Variants in PLXNA4 observed in about 807,000 individuals in gnomAD.
The protein encoded by PLXNA4 is plexin-A4.
PLXNA4 carries 44 observed loss-of-function variants against 191.8 expected under a neutral mutation model. The observed-to-expected ratio is 0.23, with a 90% CI of 0.18 to 0.29. The LOEUF (loss-of-function observed/expected upper bound fraction) is 0.29, where lower values mean the gene tolerates loss of function less well. Ranked by LOEUF, PLXNA4 falls within the 10% of genes least tolerant of loss-of-function variation. The pLI, the probability that PLXNA4 is intolerant of heterozygous loss-of-function variation, is 1.00. For missense variants in PLXNA4, 1,800 were observed against 2,488.8 expected (o/e 0.72, Z 5.89); for synonymous variants, 1,082 against 1,009.5 (o/e 1.07, Z -1.36).
At chr7:132,267,588 A>T (rs1268804520) in intron 4 of PLXNA4, among the ~76,000 whole-genome samples, 1 of 152,214 alleles carries the variant, frequency 6.6e-6, no homozygotes, top group African/African-American at 2.4e-5. Flanking sequence ...ATCCTTGGAA[A>T]CATCATGCCA....
Position 132,286,954 on chromosome 7 carries a change from T to C in PLXNA4, c.1503+11137A>G, listed in dbSNP as rs558321899. ...GATAGATAGGGGAAGCACAGAATCC[T>C]GGGTAGCTGGTGCCTGGAGCTCAAC... On this transcript the variant is annotated intron_variant, in intron 4 of 31. Transcript: ENST00000321063. 2.1e-3 allele frequency among the ~76,000 whole-genome samples: 315 copies of C among 152,312 alleles called. 2 individuals carry two copies. The highest frequency in any genetic ancestry group is 7.3e-3 in the African/African-American group (302 of 41,562).
At chr7:132,595,953 A>C in intron 2 of PLXNA4, among the ~76,000 whole-genome samples, 1 of 152,178 alleles carries the variant, frequency 6.6e-6, no homozygotes, top group East Asian at 1.9e-4. Flanking sequence ...AATAAAATTA[A>C]TAATATTCCA....
intron 12 of PLXNA4, among the ~76,000 whole-genome samples, chr7:132,198,854 GCCCA>G (rs1797338914): frequency 6.6e-6 from 1 of 152,164 alleles, no homozygotes; most frequent in Non-Finnish European, 1.5e-5. Flanking sequence ...AGTATGCAAA[GCCCA>G]TGGTACATCT....
At chr7:132,324,623 C>A (rs1289149820) in intron 3 of PLXNA4, among the ~76,000 whole-genome samples, 1 of 152,172 alleles carries the variant, frequency 6.6e-6, no homozygotes, top group African/African-American at 2.4e-5. Context: ...CAGAATAAAT[C>A]TCCCTCTTCT....
chr7:132,127,990 G>GAAAA lies in PLXNA4; in HGVS notation c.*2488_*2489insTTTT, dbSNP rs1304265710. ...TTGTTTGATTTTTTCTCTTAACTGTGCAAAAAAAAAAAAAAAAAATCAAAA... is the reference window on the plus strand; with the variant it reads ...TTGTTTGATTTTTTCTCTTAACTGTGAAAACAAAAAAAAAAAAAAAAAATCAAAA... On this transcript the variant is annotated 3_prime_UTR_variant, in exon 32 of 32. Transcript: ENST00000321063. The GAAAA allele has an allele frequency of 3.6e-4, 6 of 16,544 alleles. No individual in the cohort carries two copies. The highest frequency in any genetic ancestry group is 1.1e-3 in the African/African-American group (6 of 5,526). The allele number at this position is 16,544 out of a possible 1,614,324, so 1.0% of individuals were successfully genotyped here. A position where few individuals can be genotyped will look rare whatever the true frequency, so the allele number is the denominator to read the frequency against.
chr7:132,353,868 A>T (rs1179551739), intron 3 of PLXNA4, among the ~76,000 whole-genome samples: 1 of 152,144 alleles, frequency 6.6e-6, no homozygotes, highest in South Asian at 2.1e-4. Context: ...AGGTCCTCAT[A>T]GCCTGGCAAT....
chr7:132,435,805 T>A (rs1795449724), intron 3 of PLXNA4, among the ~76,000 whole-genome samples: 1 of 152,092 alleles, frequency 6.6e-6, no homozygotes, highest in African/African-American at 2.4e-5. Context: ...GAGTACCCGC[T>A]TCCTCTCTTC....
chr7:132,243,020 C>T (rs147390161), intron 4 of PLXNA4, among the ~76,000 whole-genome samples: 49 of 152,280 alleles, frequency 3.2e-4, no homozygotes, highest in Middle Eastern at 3.4e-3. Flanking sequence ...GGTCCACACG[C>T]TATTTTCAAT....
intron 1 of PLXNA4, among the ~76,000 whole-genome samples, chr7:132,546,865 A>G (rs1800331411): frequency 6.6e-6 from 1 of 152,196 alleles, no homozygotes; most frequent in South Asian, 2.1e-4. Flanking sequence ...GAATCTGAGG[A>G]CAAACAAGGC....
At chr7:132,601,824 T>A (rs1360802218) in intron 2 of PLXNA4, among the ~76,000 whole-genome samples, 2 of 152,242 alleles carry the variant, frequency 1.3e-5, no homozygotes, top group African/African-American at 4.8e-5. Flanking sequence ...ATTGATTCAG[T>A]TGGTACTTGT....
At chr7:132,613,664 T>G (rs12707048) in intron 2 of PLXNA4, among the ~76,000 whole-genome samples, 1 of 152,004 alleles carries the variant, frequency 6.6e-6, no homozygotes, top group African/African-American at 2.4e-5. Flanking sequence ...CAAAGTAGCA[T>G]GTGTGATATT....
intron 3 of PLXNA4, among the ~76,000 whole-genome samples, chr7:132,436,737 G>A (rs1460430491): frequency 6.6e-6 from 1 of 152,206 alleles, no homozygotes; most frequent in African/African-American, 2.4e-5. Context: ...ATAGTGAAAA[G>A]GTCAGTGAGC....
At chr7:132,456,629 G>A (rs990345590) in intron 3 of PLXNA4, among the ~76,000 whole-genome samples, 3 of 151,382 alleles carry the variant, frequency 2.0e-5, no homozygotes, top group East Asian at 1.9e-4. Context: ...ACTCAGCTGC[G>A]AACCGGCAGC....
chr7:132,464,617 T>A (rs1227790849), intron 3 of PLXNA4, among the ~76,000 whole-genome samples: 1 of 152,208 alleles, frequency 6.6e-6, no homozygotes, highest in Non-Finnish European at 1.5e-5. Context: ...GTGAAAGGGC[T>A]TTGCAAAATG....
At chr7:132,457,986 A>C (rs1796369751) in intron 3 of PLXNA4, among the ~76,000 whole-genome samples, 1 of 152,206 alleles carries the variant, frequency 6.6e-6, no homozygotes, top group Admixed American at 6.5e-5. Flanking sequence ...CCAGAGCTGT[A>C]AGAGAATACA....
chr7:132,535,170 A>G (rs1210516309), intron 1 of PLXNA4, among the ~76,000 whole-genome samples: 1 of 152,246 alleles, frequency 6.6e-6, no homozygotes, highest in Non-Finnish European at 1.5e-5. Flanking sequence ...TCTCCAAATA[A>G]AAAAGAAATC....
chr7:132,555,431 A>T (rs773993808), intron 1 of PLXNA4, among the ~76,000 whole-genome samples: 1 of 152,218 alleles, frequency 6.6e-6, no homozygotes, highest in South Asian at 2.1e-4. Flanking sequence ...AAGAAAACTG[A>T]AGTGTTTTAA....
chr7:132,302,706 A>C (rs987670295), intron 3 of PLXNA4, among the ~76,000 whole-genome samples: 1 of 151,646 alleles, frequency 6.6e-6, no homozygotes, highest in Admixed American at 6.6e-5. Context: ...AACACAATCC[A>C]GATGCCTGCA....
intron 2 of PLXNA4, among the ~76,000 whole-genome samples, chr7:132,606,992 C>CT (rs1802938747): frequency 1.3e-5 from 2 of 152,176 alleles, no homozygotes; most frequent in Admixed American, 1.3e-4. Context: ...ATAATAAAAA[C>CT]TGGCATTTTT....
Sources: gnomAD v4.1 joint callset for allele counts (sites outside exome capture counted in the v4.1 genomes callset) on GRCh38, gnomAD v4.1.1 for gene constraint, MANE v1.5 for transcripts, NCBI Gene and HGNC (gene_info 2026-07-23, HGNC 2026-07-21) for gene names.